Variants in PACS2 observed in about 807,000 individuals in gnomAD.
The protein encoded by PACS2 is phosphofurin acidic cluster sorting protein 2.
In PACS2, 36 loss-of-function variants were observed where a neutral mutation model predicts 113.0. The observed-to-expected ratio is 0.32, with a 90% CI of 0.24 to 0.42. The LOEUF (loss-of-function observed/expected upper bound fraction) is 0.42, where lower values mean the gene tolerates loss of function less well. Ranked by LOEUF, PACS2 falls within the 10% of genes least tolerant of loss-of-function variation. The pLI is 1.00. For synonymous variants in PACS2, 589 were observed against 536.1 expected, an observed-to-expected ratio of 1.10 and a Z score of -1.36; for missense variants, 1,015 against 1,239.5, an observed-to-expected ratio of 0.82 and a Z score of 2.72.
At chr14:105,374,884 T>C (rs1368541460) in intron 8 of PACS2, 1 of 152,230 alleles carries the variant, frequency 6.6e-6, no homozygotes, top group Non-Finnish European at 1.5e-5. Context: ...CTCGTGGACC[T>C]GCCTGGTCCA....
chr14:105,335,554 T>A (rs1449337680), intron 1 of PACS2, among the ~76,000 whole-genome samples: 1 of 152,202 alleles, frequency 6.6e-6, no homozygotes, highest in African/African-American at 2.4e-5. Context: ...CCCTCCCTCA[T>A]GGGCAGGGCT....
Position 105,368,096 on chromosome 14 carries a change from T to C in PACS2, c.609T>C (p.Tyr203=). The change falls in exon 6 of 25, where the codon TAT becomes TAC. Residue 203 remains tyrosine, a synonymous_variant. Transcript: ENST00000447393. ...KSTDNYSEEE[Y]ESFSSEQEAS... is the part of the protein sequence containing the mutation. ...CAGATAACTACTCCGAGGAGGAGTA[T>C]GAGAGCTTCTCCTCCGAGCAGGAGG... The C allele has an allele frequency of 6.2e-7, 1 of 1,609,758 alleles. No individual in the cohort carries two copies. The highest frequency in any genetic ancestry group is 2.2e-5 in the East Asian group (1 of 44,872).
rs1394093559 is a variant in PACS2, at chr14:105,354,814, C to T, written c.298-238C>T. ...CATGGCTGTTAGCGTGGCGCGGAGCCCTCAGGGCCTGAGCTCTGGCGACTG... is the reference window on the plus strand; with the variant it reads ...CATGGCTGTTAGCGTGGCGCGGAGCTCTCAGGGCCTGAGCTCTGGCGACTG... On this transcript the variant is annotated intron_variant, in intron 3 of 24. Coordinates refer to ENST00000447393, the MANE Select transcript of PACS2 (RefSeq NM_001100913.3). This position sits in a 1 kb window ranked among gnomAD's most constrained non-coding sequence, Gnocchi z 4.2. Among the ~76,000 whole-genome samples, 3 of 152,206 alleles carry T rather than the reference C, an allele frequency of 2.0e-5. No individual in the cohort carries two copies. The highest frequency in any genetic ancestry group is 4.4e-5 in the Non-Finnish European group (3 of 68,022).
intron 1 of PACS2, among the ~76,000 whole-genome samples, chr14:105,322,097 C>A (rs1017445032): frequency 2.6e-4 from 39 of 151,692 alleles, no homozygotes; most frequent in African/African-American, 9.5e-4. Context: ...GCCACCACGC[C>A]CAGTTAATTT....
intron 21 of PACS2, 31 bp downstream of exon 21, chr14:105,391,280 G>C: frequency 6.4e-7 from 1 of 1,572,876 alleles, no homozygotes; most frequent in African/African-American, 1.3e-5. Context: ...GGCCTTGTGA[G>C]TGGCCCGTGG....
upstream of PACS2, among the ~76,000 whole-genome samples, chr14:105,313,171 G>A (rs2058396136): frequency 6.6e-6 from 1 of 152,188 alleles, no homozygotes; most frequent in South Asian, 2.1e-4. Context: ...GCATACACAG[G>A]CACCATGTGT....
chr14:105,341,962 T>C (rs1055045157), intron 1 of PACS2, among the ~76,000 whole-genome samples: 1 of 152,202 alleles, frequency 6.6e-6, no homozygotes, highest in Admixed American at 6.5e-5. Flanking sequence ...ACAAGCATCT[T>C]GGGCGAGGGG....
At chr14:105,332,598 G>T (rs1189660377) in intron 1 of PACS2, among the ~76,000 whole-genome samples, 5 of 152,202 alleles carry the variant, frequency 3.3e-5, no homozygotes, top group Non-Finnish European at 7.4e-5. Context: ...GAGTTGGGAA[G>T]GTTTGGTGTC....
At position 105,376,760 on chromosome 14, in the gene PACS2, C is replaced by G; in HGVS notation, c.802-8C>G. The G allele has an allele frequency of 6.2e-7, 1 of 1,611,112 alleles. No homozygotes were observed. The highest frequency in any genetic ancestry group is 8.5e-7 in the Non-Finnish European group (1 of 1,178,674). ...CAGGGAACTCACGCGTGCCTGGCAC[C>G]CGTGCAGGTCCTGGACTCGGAGCAG... On this transcript the variant is annotated splice_region_variant and splice_polypyrimidine_tract_variant and intron_variant, in intron 8 of 24. Coordinates refer to ENST00000447393, the MANE Select transcript of PACS2 (RefSeq NM_001100913.3). The surrounding 1 kb of genome is among the most constrained non-coding windows in gnomAD (Gnocchi z 4.7).
chr14:105,361,382 A>G (rs113848728), intron 4 of PACS2, among the ~76,000 whole-genome samples: 4 of 152,366 alleles, frequency 2.6e-5, no homozygotes, highest in African/African-American at 9.6e-5. Flanking sequence ...CACACCTGTA[A>G]TCCCAGCACT....
At chr14:105,339,037 C>G (rs1183426850) in intron 1 of PACS2, among the ~76,000 whole-genome samples, 1 of 152,192 alleles carries the variant, frequency 6.6e-6, no homozygotes, top group Non-Finnish European at 1.5e-5. Flanking sequence ...TTGACCAACC[C>G]AGGCTGACTT....
chr14:105,388,137 G>A (rs374248984), intron 19 of PACS2, among the ~76,000 whole-genome samples: 15 of 152,204 alleles, frequency 9.9e-5, no homozygotes, highest in African/African-American at 3.4e-4. Flanking sequence ...ACTAGGCCTG[G>A]GGCATCTTTA....
At chr14:105,389,335 C>G (rs932744994) in intron 19 of PACS2, 1 of 153,832 alleles carries the variant, frequency 6.5e-6, no homozygotes, top group South Asian at 2.0e-4. Flanking sequence ...ACGCGGGGCA[C>G]GGCCTGGGGT....
At chr14:105,371,728 A>C in intron 8 of PACS2, 1 of 152,262 alleles carries the variant, frequency 6.6e-6, no homozygotes, top group South Asian at 2.1e-4. Context: ...AGACGAGGTC[A>C]CCGCCTGGAT....
At position 105,365,557 on chromosome 14, in the gene PACS2, GA is replaced by G. The variant is rs1555407744; in HGVS notation, c.424-1654del. The stretch of plus-strand genomic sequence containing the variant: ...CTTCCTGCCCTCCCACCTGAAGGAG[GA>G]AGCGAGCAGGGTTTTCTTAGGAGAA... On this transcript the variant is annotated intron_variant, in intron 4 of 24. Coordinates refer to ENST00000447393, the MANE Select transcript of PACS2 (RefSeq NM_001100913.3). This position sits in a 1 kb window ranked among gnomAD's most constrained non-coding sequence, Gnocchi z 5.1. Among the ~76,000 whole-genome samples, 1 of 152,124 alleles carries G rather than the reference GA, an allele frequency of 6.6e-6. No individual in the cohort carries two copies.
intron 7 of PACS2, 127 bp downstream of exon 7, chr14:105,368,666 C>T (rs371973034): frequency 1.5e-4 from 104 of 709,608 alleles, no homozygotes; most frequent in African/African-American, 1.4e-3. Context: ...CAGCATGTCC[C>T]GTGGCAGACC....
chr14:105,312,841 C>T (rs1283191683), upstream of PACS2, among the ~76,000 whole-genome samples: 3 of 152,214 alleles, frequency 2.0e-5, no homozygotes, highest in Non-Finnish European at 2.9e-5. Flanking sequence ...TGGTGTGTTT[C>T]GTGTCCCTGC....
chr14:105,335,708 A>G (rs1036159401), intron 1 of PACS2, among the ~76,000 whole-genome samples: 3 of 152,260 alleles, frequency 2.0e-5, no homozygotes, highest in African/African-American at 7.2e-5. Flanking sequence ...CCACTGGCCA[A>G]CGAGGACACT....
intron 1 of PACS2, among the ~76,000 whole-genome samples, chr14:105,344,679 T>C (rs140891180): frequency 0.026 from 3,898 of 152,338 alleles, 88 homozygotes; most frequent in Middle Eastern, 0.071. Flanking sequence ...GTTTTATGAA[T>C]TTTATTGATC....
Sources: gnomAD v4.1 joint callset for allele counts (sites outside exome capture counted in the v4.1 genomes callset) on GRCh38, gnomAD v4.1.1 for gene constraint, Gnocchi (gnomAD v3.1) non-coding constraint, MANE v1.5 for transcripts, NCBI Gene and HGNC (gene_info 2026-07-23, HGNC 2026-07-21) for gene names.